Variants in OSCAR observed in about 807,000 individuals in gnomAD.
The protein encoded by OSCAR is osteoclast associated Ig-like receptor.
In OSCAR, 25 loss-of-function variants were observed where a neutral mutation model predicts 27.3. That is an observed-to-expected ratio of 0.92 (90% confidence interval 0.67 to 1.28). OSCAR has a LOEUF of 1.28. Ranked by LOEUF, OSCAR falls within the 50% of genes most tolerant of loss-of-function variation. The pLI is 0.00. For synonymous variants in OSCAR, 158 were observed against 165.7 expected (o/e 0.95, Z 0.36); for missense variants, 354 against 355.1 (o/e 1.00, Z 0.03).
intron 4 of OSCAR, 49 bp downstream of exon 4, chr19:54,095,823 G>A (rs2072630708): frequency 1.3e-6 from 2 of 1,550,816 alleles, no homozygotes; most frequent in Non-Finnish European, 1.7e-6. Flanking sequence ...AGGTCCTGGG[G>A]CCTGCATTCC....
intron 1 of OSCAR, among the ~76,000 whole-genome samples, chr19:54,100,014 G>A (rs1412385331): frequency 1.3e-5 from 2 of 152,086 alleles, no homozygotes; most frequent in Non-Finnish European, 2.9e-5. Context: ...GTTTCGCCAT[G>A]TTGGTCAGGC....
At chr19:54,096,411 CCTCCCTCTCTCT>C (rs57614657) in intron 3 of OSCAR, among the ~76,000 whole-genome samples, 1 of 122,672 alleles carries the variant, frequency 8.2e-6, no homozygotes, top group African/African-American at 3.3e-5. Flanking sequence ...TCTCTCTCTG[CCTCCCTCTCTCT>C]CTGCCTCCCT....
chr19:54,099,571 C>G (rs779461705), intron 2 of OSCAR, 177 bp downstream of exon 2: 1 of 1,584,108 alleles, frequency 6.3e-7, no homozygotes, highest in Non-Finnish European at 8.7e-7. Context: ...CTCAGAAGTT[C>G]CTGGTCTTCA....
chr19:54,099,836 A>C, intron 1 of OSCAR, 56 bp from the exon 2 acceptor site: 1 of 1,569,234 alleles, frequency 6.4e-7, no homozygotes, highest in East Asian at 2.3e-5. Flanking sequence ...TGTCTGAGGC[A>C]GAGTCTCACT....
chr19:54,097,653 G>A (rs1026605020), intron 2 of OSCAR, among the ~76,000 whole-genome samples: 1 of 142,654 alleles, frequency 7.0e-6, no homozygotes, highest in Non-Finnish European at 1.5e-5. Flanking sequence ...GGAGTGCAGT[G>A]GCATGTTCTC....
At position 54,095,327 on chromosome 19, in the gene OSCAR, T is replaced by A; in HGVS notation, c.686A>T (p.Asn229Ile). The A allele has an allele frequency of 6.3e-7, 1 of 1,575,050 alleles. No individual in the cohort carries two copies. The highest frequency in any genetic ancestry group is 8.6e-7 in the Non-Finnish European group (1 of 1,160,522). ...DSGSSDYTRG[N>I]LVRLGLAGLV... ...CCCGGCCAGCCCCAGGCGGACTAGG[T>A]TCCCCCGGGTGTAGTCGGAGGAGCC... is the stretch of plus-strand genomic sequence containing the variant. Residue 229 changes from asparagine to isoleucine, a missense_variant, in exon 5 of 5, where the codon AAC becomes ATC. Physicochemically the swap from Asn to Ile is moderately radical, Grantham distance 149. Transcript: ENST00000358375.
chr19:54,100,650 C>G, intron 1 of OSCAR, 106 bp downstream of exon 1: 1 of 1,255,826 alleles, frequency 8.0e-7, no homozygotes, highest in Non-Finnish European at 1.1e-6. Flanking sequence ...ACCTAGAATC[C>G]CAAACCTGCT....
intron 1 of OSCAR, 124 bp downstream of exon 1, chr19:54,100,632 T>C: frequency 2.8e-6 from 3 of 1,063,162 alleles, no homozygotes; most frequent in Non-Finnish European, 4.0e-6. Flanking sequence ...GCCCTGTTCT[T>C]TATTTGAACC....
Position 54,099,748 on chromosome 19 carries a change from C to G in OSCAR, c.70G>C (p.Val24Leu). Reference sequence around the variant, plus strand: ...GAGAGTGGATGGGGTGGCTACTCACCAGACGGAGTGATGTCTGTGTGACAC... The same window carrying G: ...GAGAGTGGATGGGGTGGCTACTCACGAGACGGAGTGATGTCTGTGTGACAC... ...PLCHTDITPS[V>L]PPASYHPKPW... The change falls in exon 2 of 5, where the codon GTC (valine) becomes CTC (leucine). Residue 24 changes from valine to leucine, a missense_variant and splice_region_variant. By Grantham distance (32) the Val-to-Leu change is conservative. Transcript: ENST00000358375. 1 of 1,613,274 alleles carries G rather than the reference C, an allele frequency of 6.2e-7. No homozygotes were observed. The highest frequency in any genetic ancestry group is 8.5e-7 in the Non-Finnish European group (1 of 1,179,818).
rs1172747069 is a variant in OSCAR at position 54,095,971 on chromosome 19, C to T, written c.556G>A (p.Gly186Ser). 1.9e-6 allele frequency: 3 copies of T among 1,590,554 alleles called. No individual in the cohort carries two copies. The African/African-American group carries it at 4.0e-5, about 21-fold the overall frequency. ...AQPWADFTLL[G>S]ARAPGTYSCY... ...CTGTAGGTGCCGGGGGCGCGGGCGCCCAGCAGCGTGAAGTCGGCCCAGGGC... is the reference window on the plus strand; with the variant it reads ...CTGTAGGTGCCGGGGGCGCGGGCGCTCAGCAGCGTGAAGTCGGCCCAGGGC... Residue 186 changes from glycine (G) to serine (S), a missense_variant, in exon 4 of 5, where the codon GGC becomes AGC. By Grantham distance (56) the Gly-to-Ser change is moderately conservative. Transcript: ENST00000358375.
rs1286133909 is a variant in OSCAR at position 54,096,985 on chromosome 19, C to A, written c.250G>T (p.Glu84Ter). ...LFRDVSSELA[E>*]FFLEEVTPAQ... ...GGAGTCACCTCCTCCAGAAAGAATTCTGCCAGCTCGGAGGACACATCCCGG... is the reference window on the plus strand; with the variant it reads ...GGAGTCACCTCCTCCAGAAAGAATTATGCCAGCTCGGAGGACACATCCCGG... The change falls in exon 3 of 5, where the codon GAA (glutamate) becomes TAA (stop). Residue 84 changes from glutamate (E) to a stop codon, truncating the protein, a stop_gained. Coordinates refer to ENST00000358375, the MANE Select transcript of OSCAR (RefSeq NM_133169.6). LOFTEE classifies it high-confidence loss of function. The A allele has an allele frequency of 1.9e-6, 3 of 1,614,066 alleles. No individual in the cohort carries two copies. The highest frequency in any genetic ancestry group is 8.5e-7 in the Non-Finnish European group (1 of 1,180,034).
intron 3 of OSCAR, 29 bp from the exon 4 acceptor site, chr19:54,096,182 C>T: frequency 6.8e-7 from 1 of 1,468,524 alleles, no homozygotes; most frequent in Non-Finnish European, 8.9e-7. Flanking sequence ...AGTCCGGGGC[C>T]GCGTGAGCGT....
At chr19:54,097,210 C>T in intron 2 of OSCAR, 46 bp from the exon 3 acceptor site, 1 of 1,544,916 alleles carries the variant, frequency 6.5e-7, no homozygotes, top group Non-Finnish European at 8.8e-7. Context: ...CTGGGAGCCC[C>T]AGAAGATGAA....
intron 2 of OSCAR, among the ~76,000 whole-genome samples, chr19:54,098,847 A>G (rs1229229916): frequency 7.3e-5 from 11 of 151,418 alleles, no homozygotes; most frequent in Non-Finnish European, 1.5e-4. Context: ...TTATCCGGGC[A>G]TTGTGGTGTG....
rs368804920 is a variant in OSCAR, at chr19:54,097,183, C to G, written c.71-19G>C. 8 of 1,593,378 alleles carry G rather than the reference C, an allele frequency of 5.0e-6. No individual in the cohort carries two copies. Among genetic ancestry groups the G allele is most frequent in the Non-Finnish European group, 6.9e-6 (8 of 1,166,794 alleles). ...GGGGGGACTGAATAAACGGGGCTGC[C>G]TGGGTCCTCGGGCCTCCTGGGAGCC... On this transcript the variant is annotated intron_variant, in intron 2 of 4. Coordinates refer to ENST00000358375, the MANE Select transcript of OSCAR (RefSeq NM_133169.6).
chr19:54,099,655 T>C lies in OSCAR; in HGVS notation c.70+93A>G, dbSNP rs1366861197. ...ATGGAGGGAGGGAGGAAAATAAGGA[T>C]ATCTGGGATGGGATTGGGCACCAAA... On this transcript the variant is annotated intron_variant, in intron 2 of 4. Coordinates refer to ENST00000358375, the MANE Select transcript of OSCAR (RefSeq NM_133169.6). 3.1e-6 allele frequency: 5 copies of C among 1,613,554 alleles called. No individual in the cohort carries two copies. The Admixed American group carries it at 5.0e-5, about 16-fold the overall frequency.
chr19:54,096,251 CCT>C (rs368012851), intron 3 of OSCAR, 98 bp from the exon 4 acceptor site: 321 of 1,072,638 alleles, frequency 3.0e-4, no homozygotes, highest in Admixed American at 4.0e-4. Flanking sequence ...TTTCTCTGTG[CCT>C]CTCTCTCTCT....
chr19:54,095,839 C>T lies in OSCAR; in HGVS notation c.655+33G>A, dbSNP rs911387975. Reference sequence around the variant, plus strand: ...GGTCCTGGGGCCTGCATTCCTGGGGCGGAGGAGGCGGGCCGGGCCTCAGGG... The same window carrying T: ...GGTCCTGGGGCCTGCATTCCTGGGGTGGAGGAGGCGGGCCGGGCCTCAGGG... On this transcript the variant is annotated intron_variant, in intron 4 of 4. Transcript: ENST00000358375. 14 of 1,551,068 alleles carry T rather than the reference C, an allele frequency of 9.0e-6. No individual in the cohort carries two copies. The Admixed American group carries it at 1.8e-4, about 20-fold the overall frequency.
intron 3 of OSCAR, among the ~76,000 whole-genome samples, 168 bp from the exon 4 acceptor site, chr19:54,096,321 CCT>C (rs201643218): frequency 1.8e-4 from 26 of 146,970 alleles, no homozygotes; most frequent in African/African-American, 4.6e-4. Context: ...TCTCTGCCTC[CCT>C]CTCTCTCTGC....
Sources: gnomAD v4.1 joint callset for allele counts (sites outside exome capture counted in the v4.1 genomes callset) on GRCh38, gnomAD v4.1.1 for gene constraint, MANE v1.5 for transcripts, NCBI Gene and HGNC (gene_info 2026-07-23, HGNC 2026-07-21) for gene names.